NR2C1: variants seen among roughly 807,000 people sequenced by gnomAD.
NR2C1 encodes nuclear receptor subfamily 2 group C member 1.
Under a neutral mutation model 74.8 loss-of-function variants are expected in NR2C1, and 33 were observed. The ratio of observed to expected loss-of-function variants is 0.44; its 90% CI spans 0.33 to 0.59. NR2C1 has a LOEUF of 0.59. Among genes scored for constraint, NR2C1 ranks in the 20% least tolerant of loss-of-function variants. The pLI is 0.02. For synonymous variants in NR2C1, 225 were observed against 240.6 expected, an observed-to-expected ratio of 0.94 and a Z score of 0.60; for missense variants, 568 against 715.6, an observed-to-expected ratio of 0.79 and a Z score of 2.35.
At chr12:95,062,426 C>A in intron 3 of NR2C1, 82 bp downstream of exon 3, 1 of 895,346 alleles carries the variant, frequency 1.1e-6, no homozygotes, top group Non-Finnish European at 1.7e-6. Flanking sequence ...ATACATAGAT[C>A]TAAAGTCTTC....
At chr12:95,069,964 A>G (rs1876346224) in intron 1 of NR2C1, among the ~76,000 whole-genome samples, 1 of 152,168 alleles carries the variant, frequency 6.6e-6, no homozygotes, top group Non-Finnish European at 1.5e-5. Context: ...GATGGTCTCT[A>G]CCCTGAAGAG....
intron 13 of NR2C1, 28 bp downstream of exon 13, chr12:95,025,122 T>C (rs1869199412): frequency 9.6e-7 from 1 of 1,037,142 alleles, no homozygotes; most frequent in Non-Finnish European, 1.4e-6. Context: ...TCAATTATTT[T>C]AATTATATAG....
Position 95,049,216 on chromosome 12 carries a change from G to A in NR2C1, c.983C>T (p.Ala328Val). 1 of 1,613,870 alleles carries A rather than the reference G, an allele frequency of 6.2e-7. No homozygotes were observed. Residue 328 changes from alanine to valine, a missense_variant, in exon 9 of 14, where the codon GCA becomes GTA. By Grantham distance (64) the Ala-to-Val change is moderately conservative (BLOSUM62 0). Coordinates refer to ENST00000333003, the MANE Select transcript of NR2C1 (RefSeq NM_003297.4). ...GCTCTCTCCAGGATTCAATGCTTTT[G>A]CAAGAGTGTCAAATGCCCTGTATGA... ...GDVSRAFDTL[A>V]KALNPGESTA... is the part of the protein sequence containing the mutation.
At chr12:95,031,237 G>T in intron 11 of NR2C1, 112 bp downstream of exon 11, 2 of 840,466 alleles carry the variant, frequency 2.4e-6, no homozygotes, top group South Asian at 3.3e-5. Flanking sequence ...AAGAGCATTG[G>T]TACCTAAAAC....
Position 95,067,217 on chromosome 12 carries a change from T to C in NR2C1, c.54+114A>G, listed in dbSNP as rs1296525303. 3.6e-6 allele frequency: 3 copies of C among 836,034 alleles called. No individual in the cohort carries two copies. The African/African-American group carries it at 5.1e-5, about 14-fold the overall frequency. The allele number at this position is 836,034 out of a possible 1,614,324, so 51.8% of individuals were successfully genotyped here. ...ACTATCTCTCAGTAGCTTGAAAAGC[T>C]ATCTTAAGTTAGGGAATATCTTTTA... On this transcript the variant is annotated intron_variant, in intron 2 of 13. Transcript: ENST00000333003.
At chr12:95,045,933 G>A (rs923424512) in intron 9 of NR2C1, among the ~76,000 whole-genome samples, 6 of 152,076 alleles carry the variant, frequency 3.9e-5, no homozygotes, top group Middle Eastern at 3.4e-3. Context: ...CCGCCTCCCC[G>A]GGTTCAAGCA....
chr12:95,059,986 TAAAAAAAAAAAAA>T lies in NR2C1; in HGVS notation c.286-15_286-3del, dbSNP rs79760875. The T allele has an allele frequency of 1.2e-5, 13 of 1,074,570 alleles. No individual in the cohort carries two copies. Among genetic ancestry groups the T allele is most frequent in the Non-Finnish European group, 1.5e-5 (12 of 826,846 alleles). The allele number at this position is 1,074,570 out of a possible 1,614,324, so 66.6% of individuals were successfully genotyped here. A position where few individuals can be genotyped will look rare whatever the true frequency, so the allele number is the denominator to read the frequency against. ...GTCTGGAGAATTATCTGTTAGGAGC[TAAAAAAAAAAAAA>T]AAAAAAAAGAAAACAAAAACGAAAA... On this transcript the variant is annotated splice_region_variant and splice_polypyrimidine_tract_variant and intron_variant, in intron 3 of 13. Coordinates refer to ENST00000333003, the MANE Select transcript of NR2C1 (RefSeq NM_003297.4).
At position 95,057,894 on chromosome 12, in the gene NR2C1, A is replaced by T; in HGVS notation, c.545-16T>A. 1.2e-6 allele frequency: 2 copies of T among 1,603,724 alleles called. No individual in the cohort carries two copies. The highest frequency in any genetic ancestry group is 1.7e-6 in the Non-Finnish European group (2 of 1,171,678). On this transcript the variant is annotated splice_polypyrimidine_tract_variant and intron_variant, in intron 5 of 13. Transcript: ENST00000333003. ...CATTGGACAGCTACAAAAATGTGTT[A>T]AACTATTATATCACAATATAGGATT...
intron 4 of NR2C1, among the ~76,000 whole-genome samples, chr12:95,059,039 C>T (rs1047583945): frequency 1.3e-5 from 2 of 152,126 alleles, no homozygotes; most frequent in Non-Finnish European, 2.9e-5. Flanking sequence ...TGGTAACTCA[C>T]GCCTGTAATC....
In NR2C1 at chr12:95,062,461, T is replaced by G. The variant is rs1020970195; in HGVS notation, c.285+47A>C. The G allele has an allele frequency of 4.5e-6, 6 of 1,334,556 alleles. No individual in the cohort carries two copies. The Admixed American group carries it at 1.4e-4, about 32-fold the overall frequency. The allele number at this position is 1,334,556 out of a possible 1,614,324, so 82.7% of individuals were successfully genotyped here. ...CATGGCAGGGCTTATGATTAAAATT[T>G]TTTTTTTATATATGTAAGAGGAAAA... On this transcript the variant is annotated intron_variant, in intron 3 of 13. Coordinates refer to ENST00000333003, the MANE Select transcript of NR2C1 (RefSeq NM_003297.4).
At chr12:95,025,094 A>G in intron 13 of NR2C1, 56 bp downstream of exon 13, 1 of 753,442 alleles carries the variant, frequency 1.3e-6, no homozygotes, top group Non-Finnish European at 2.1e-6. Context: ...ATGAGATAAC[A>G]GATCCACAAA....
At chr12:95,030,545 T>A in intron 11 of NR2C1, 2 of 1,611,372 alleles carry the variant, frequency 1.2e-6, no homozygotes, top group African/African-American at 1.3e-5. Flanking sequence ...GAACCAGGGG[T>A]AGGAGTCCAT....
chr12:95,049,296 A>G lies in NR2C1; in HGVS notation c.966-63T>C. 5 of 1,503,510 alleles carry G rather than the reference A, an allele frequency of 3.3e-6. No homozygotes were observed. In the South Asian group the frequency reaches 3.7e-5, roughly 11 times the overall value. The allele number at this position is 1,503,510 out of a possible 1,614,324, so 93.1% of individuals were successfully genotyped here. On this transcript the variant is annotated intron_variant, in intron 8 of 13. Transcript: ENST00000333003. ...CACCGCAATAAAATAACAATTCTAC[A>G]TAGGATTCTGGAATTAAGATTTAAG...
chr12:95,027,095 C>T (rs1226075049), intron 12 of NR2C1, among the ~76,000 whole-genome samples: 1 of 152,172 alleles, frequency 6.6e-6, no homozygotes, highest in Non-Finnish European at 1.5e-5. Context: ...CCCTCTGTCA[C>T]CCAGGCTAGA....
rs1181382543 is a variant in NR2C1 at position 95,058,425 on chromosome 12, T to C, written c.429A>G (p.Lys143=). 6.2e-7 allele frequency: 1 copy of C among 1,613,794 alleles called. No individual in the cohort carries two copies. ...ATCCTCGACATGAATATACTAAATT[T>C]TTTCGGATGCTTCTTTTAAAAAATC... ...CKGFFKRSIR[K]NLVYSCRGSK... is the part of the protein sequence containing the mutation. Residue 143 remains lysine, a synonymous_variant, in exon 5 of 14, where the codon AAA becomes AAG. Transcript: ENST00000333003.
At chr12:95,057,969 GGAGACA>G in intron 5 of NR2C1, 91 bp from the exon 6 acceptor site, 1 of 1,060,926 alleles carries the variant, frequency 9.4e-7, no homozygotes, top group Non-Finnish European at 1.4e-6. Flanking sequence ...GCTGCTAATA[GGAGACA>G]TGGCTACCAT....
intron 9 of NR2C1, among the ~76,000 whole-genome samples, chr12:95,041,627 GA>G (rs761224925): frequency 7.9e-5 from 12 of 152,128 alleles, no homozygotes; most frequent in Non-Finnish European, 1.8e-4. Context: ...GACCACTGTT[GA>G]AACTTTTTTC....
intron 13 of NR2C1, among the ~76,000 whole-genome samples, chr12:95,024,850 G>C (rs1238665114): frequency 6.6e-6 from 1 of 152,168 alleles, no homozygotes; most frequent in African/African-American, 2.4e-5. Context: ...CAAAGAAAAA[G>C]AGTTTGGATT....
At chr12:95,034,193 T>C (rs1870524332) in intron 10 of NR2C1, among the ~76,000 whole-genome samples, 1 of 152,188 alleles carries the variant, frequency 6.6e-6, no homozygotes, top group Non-Finnish European at 1.5e-5. Context: ...AAGTTTTTTT[T>C]TCTGAGAATT....
Sources: allele counts gnomAD v4.1 joint callset (sites outside exome capture counted in the v4.1 genomes callset), GRCh38; gene constraint gnomAD v4.1.1; transcripts MANE v1.5; gene names NCBI Gene and HGNC (gene_info 2026-07-23, HGNC 2026-07-21).